The following TEX9 variants were observed in gnomAD, a reference collection of about 807,000 sequenced individuals.
TEX9 encodes the protein testis expressed 9.
Under a neutral mutation model 59.6 loss-of-function variants are expected in TEX9, and 74 were observed. The ratio of observed to expected loss-of-function variants is 1.24; its 90% CI spans 1.03 to 1.51. TEX9 has a LOEUF of 1.51. TEX9 is among the 40% of genes most tolerant of loss of function. TEX9 has a pLI of 0.00. For missense variants in TEX9, 522 were observed against 447.8 expected (o/e 1.17, Z -1.49); for synonymous variants, 186 against 152.2 (o/e 1.22, Z -1.64).
At chr15:56,266,876 T>C (rs2044398021) in intron 1 of TEX9, among the ~76,000 whole-genome samples, 1 of 152,218 alleles carries the variant, frequency 6.6e-6, no homozygotes, top group South Asian at 2.1e-4. Flanking sequence ...GTATTTCTAG[T>C]TCTAGATCCT....
intron 10 of TEX9, 114 bp from the exon 11 acceptor site, chr15:56,427,491 T>C (rs1269083461): frequency 2.9e-6 from 2 of 678,930 alleles, no homozygotes; most frequent in East Asian, 7.5e-5. Flanking sequence ...TCTACAAAAA[T>C]TTTATATTTC....
intron 1 of TEX9, among the ~76,000 whole-genome samples, chr15:56,315,311 G>C (rs2045728118): frequency 6.9e-6 from 1 of 144,466 alleles, no homozygotes; most frequent in Non-Finnish European, 1.5e-5. Context: ...TCCATGTTTA[G>C]TGCTTCCTTC....
At chr15:56,300,392 C>G (rs2045316707) in intron 1 of TEX9, among the ~76,000 whole-genome samples, 1 of 152,184 alleles carries the variant, frequency 6.6e-6, no homozygotes, top group Non-Finnish European at 1.5e-5. Flanking sequence ...ACTCCAGGCC[C>G]TGGCTCTTAT....
At chr15:56,408,288 C>T (rs1267906662) in intron 9 of TEX9, among the ~76,000 whole-genome samples, 1 of 152,182 alleles carries the variant, frequency 6.6e-6, no homozygotes, top group African/African-American at 2.4e-5. Flanking sequence ...GTCCATTGTA[C>T]TTGGTCAGTT....
chr15:56,407,847 A>C (rs563190437), intron 9 of TEX9, among the ~76,000 whole-genome samples: 1 of 151,934 alleles, frequency 6.6e-6, no homozygotes, highest in Non-Finnish European at 1.5e-5. Flanking sequence ...TAAATTTACA[A>C]CCTCGCTGCC....
downstream of TEX9, chr15:56,447,590 A>G (rs1477636436): frequency 6.6e-6 from 1 of 152,204 alleles, no homozygotes; most frequent in East Asian, 1.9e-4. Flanking sequence ...CAGAAATACA[A>G]TTAATGTTTA....
At chr15:56,456,454 G>C in the TEX9 span, 1 of 1,611,738 alleles carries the variant, frequency 6.2e-7, no homozygotes, top group Non-Finnish European at 8.5e-7. Flanking sequence ...TTTCAGTTTT[G>C]CCAATTCCAT....
At chr15:56,266,852 G>C (rs1385142171) in intron 1 of TEX9, among the ~76,000 whole-genome samples, 1 of 152,134 alleles carries the variant, frequency 6.6e-6, no homozygotes, top group Non-Finnish European at 1.5e-5. Flanking sequence ...AGTAATGGAT[G>C]GCTGGGTCAG....
intron 3 of TEX9, among the ~76,000 whole-genome samples, chr15:56,373,713 C>G (rs148709685): frequency 4.1e-4 from 62 of 152,186 alleles, no homozygotes; most frequent in Non-Finnish European, 7.6e-4. Context: ...CTAAAAGCCA[C>G]TGAAAAAGTA....
chr15:56,438,705 C>G (rs1016574597), intron 12 of TEX9, among the ~76,000 whole-genome samples: 6 of 151,976 alleles, frequency 3.9e-5, no homozygotes, highest in Non-Finnish European at 8.8e-5. Flanking sequence ...GAGTGAACAG[C>G]CAACCTACAG....
chr15:56,296,439 T>C (rs1337411042), intron 1 of TEX9, among the ~76,000 whole-genome samples: 2 of 152,226 alleles, frequency 1.3e-5, no homozygotes, highest in Admixed American at 1.3e-4. Flanking sequence ...AGCTAGGGCA[T>C]TAAAATTAGC....
the TEX9 span, among the ~76,000 whole-genome samples, chr15:56,453,456 A>C: frequency 3.3e-5 from 5 of 152,162 alleles, 1 homozygote; most frequent in South Asian, 1.0e-3. Context: ...CTTGATTATC[A>C]GTCCAGAACA....
intron 1 of TEX9, chr15:56,323,085 C>G (rs146257785): frequency 7.2e-4 from 140 of 195,630 alleles, no homozygotes; most frequent in African/African-American, 3.2e-3. Flanking sequence ...CTGGATGACT[C>G]TGCCTCATTG....
chr15:56,249,768 A>AG (rs398043339), intron 1 of TEX9, among the ~76,000 whole-genome samples: 11 of 149,518 alleles, frequency 7.4e-5, no homozygotes, highest in Non-Finnish European at 1.6e-4. Context: ...AAAAAAAAAA[A>AG]GAGGAAAGAA....
At chr15:56,391,796 AT>A (rs1246653534) in intron 7 of TEX9, among the ~76,000 whole-genome samples, 1 of 152,018 alleles carries the variant, frequency 6.6e-6, no homozygotes. Context: ...GTTTTTCTGA[AT>A]TTTTTCATTT....
intron 10 of TEX9, among the ~76,000 whole-genome samples, chr15:56,419,867 TG>T (rs2049883901): frequency 6.6e-6 from 1 of 151,934 alleles, no homozygotes; most frequent in Non-Finnish European, 1.5e-5. Context: ...TTTGAATGTC[TG>T]GTAGAGTCCA....
At chr15:56,433,988 G>A in intron 12 of TEX9, 1 of 819,614 alleles carries the variant, frequency 1.2e-6, no homozygotes, top group Non-Finnish European at 1.7e-6. Flanking sequence ...TTTTCTAGAA[G>A]CAAAAATGGT....
intron 1 of TEX9, among the ~76,000 whole-genome samples, chr15:56,269,403 A>T (rs1186017709): frequency 1.3e-5 from 2 of 151,730 alleles, no homozygotes; most frequent in Non-Finnish European, 2.9e-5. Flanking sequence ...AGTTCTTTTA[A>T]TTGTGATGTT....
At chr15:56,391,121 A>G (rs2048188676) in intron 6 of TEX9, 122 bp from the exon 7 acceptor site, 1 of 504,846 alleles carries the variant, frequency 2.0e-6, no homozygotes. Flanking sequence ...TTCATCATAA[A>G]TTTAAATTTA....
Sources: allele counts gnomAD v4.1 joint callset (sites outside exome capture counted in the v4.1 genomes callset), GRCh38; gene constraint gnomAD v4.1.1; transcripts MANE v1.5; gene names NCBI Gene and HGNC (gene_info 2026-07-23, HGNC 2026-07-21).